The following GRIN2A variants were observed in gnomAD, a reference collection of about 807,000 sequenced individuals.
The protein encoded by GRIN2A is glutamate receptor ionotropic, NMDA 2A.
In GRIN2A, 22 loss-of-function variants were observed where a neutral mutation model predicts 113.4. The observed-to-expected ratio is 0.19, with a 90% CI of 0.14 to 0.28. The LOEUF (loss-of-function observed/expected upper bound fraction) is 0.28, where lower values mean the gene tolerates loss of function less well. Ranked by LOEUF, GRIN2A falls within the 10% of genes least tolerant of loss-of-function variation. The pLI, the probability that GRIN2A is intolerant of heterozygous loss-of-function variation, is 1.00. For synonymous variants in GRIN2A, 827 were observed against 738.4 expected, an observed-to-expected ratio of 1.12 and a Z score of -1.94; for missense variants, 1,502 against 1,887.0, an observed-to-expected ratio of 0.80 and a Z score of 3.78.
chr16:10,156,800 T>G (rs1358542560), intron 2 of GRIN2A, among the ~76,000 whole-genome samples: 1 of 152,224 alleles, frequency 6.6e-6, no homozygotes, highest in African/African-American at 2.4e-5. Context: ...TCATACACCT[T>G]ATTTCATTCG....
chr16:9,769,189 T>C (rs1901105767), intron 11 of GRIN2A, 100 bp from the exon 12 acceptor site: 2 of 919,036 alleles, frequency 2.2e-6, no homozygotes. Flanking sequence ...CTCACAGCTA[T>C]GTAACCTTAA....
chr16:9,785,930 T>C (rs1328048427), intron 11 of GRIN2A, among the ~76,000 whole-genome samples: 1 of 152,192 alleles, frequency 6.6e-6, no homozygotes, highest in Non-Finnish European at 1.5e-5. Context: ...AGCTGCTCAG[T>C]TGTTCTTTGT....
intron 2 of GRIN2A, among the ~76,000 whole-genome samples, chr16:10,159,032 T>C (rs1369112292): frequency 6.6e-6 from 1 of 152,170 alleles, no homozygotes; most frequent in Non-Finnish European, 1.5e-5. Flanking sequence ...ACAGAGGTTG[T>C]GGAGTCAGGA....
intron 2 of GRIN2A, among the ~76,000 whole-genome samples, chr16:10,138,081 C>T (rs868459556): frequency 6.6e-6 from 1 of 152,226 alleles, no homozygotes; most frequent in Non-Finnish European, 1.5e-5. Context: ...GTTCTGTCAT[C>T]ACCAAGGTGG....
chr16:10,113,755 T>C (rs1273954272), intron 2 of GRIN2A, among the ~76,000 whole-genome samples: 1 of 152,230 alleles, frequency 6.6e-6, no homozygotes, highest in East Asian at 1.9e-4. Flanking sequence ...CACACATATA[T>C]ATGCAGAAGG....
At chr16:10,068,106 A>G (rs191417918) in intron 2 of GRIN2A, among the ~76,000 whole-genome samples, 9 of 152,304 alleles carry the variant, frequency 5.9e-5, no homozygotes, top group Admixed American at 4.6e-4. Flanking sequence ...AATCCCTTTT[A>G]TGCTCTCCTT....
At chr16:10,061,657 CT>C (rs2047552554) in intron 2 of GRIN2A, among the ~76,000 whole-genome samples, 1 of 152,164 alleles carries the variant, frequency 6.6e-6, no homozygotes, top group African/African-American at 2.4e-5. Flanking sequence ...TCATTATAAA[CT>C]CTAAGTGCCT....
intron 2 of GRIN2A, among the ~76,000 whole-genome samples, chr16:9,986,539 C>A (rs192265993): frequency 2.0e-5 from 3 of 151,810 alleles, no homozygotes; most frequent in East Asian, 3.9e-4. Flanking sequence ...CCAAGGTGGG[C>A]GGATCATGAG....
chr16:9,901,803 G>C (rs2141519207), intron 3 of GRIN2A, among the ~76,000 whole-genome samples: 1 of 152,260 alleles, frequency 6.6e-6, no homozygotes. Flanking sequence ...TAAACTAGAA[G>C]ACAATTAAGA....
At chr16:10,077,493 C>T (rs2047896808) in intron 2 of GRIN2A, among the ~76,000 whole-genome samples, 1 of 152,258 alleles carries the variant, frequency 6.6e-6, no homozygotes, top group Non-Finnish European at 1.5e-5. Context: ...TGGTCCATGC[C>T]ACCTCTCACC....
At chr16:10,119,262 G>T (rs1239721938) in intron 2 of GRIN2A, among the ~76,000 whole-genome samples, 1 of 152,236 alleles carries the variant, frequency 6.6e-6, no homozygotes, top group Non-Finnish European at 1.5e-5. Context: ...TAATCAAGTT[G>T]GGTGGGAACC....
chr16:9,990,560 C>T (rs1420183165), intron 2 of GRIN2A, among the ~76,000 whole-genome samples: 26 of 95,150 alleles, frequency 2.7e-4, no homozygotes, highest in East Asian at 1.0e-3. Context: ...CGCGCGCGCG[C>T]GCGCACACAC....
At chr16:10,035,274 C>G (rs1045303950) in intron 2 of GRIN2A, among the ~76,000 whole-genome samples, 1 of 152,126 alleles carries the variant, frequency 6.6e-6, no homozygotes, top group African/African-American at 2.4e-5. Context: ...GATCCTCCTG[C>G]CTTGGCCTCT....
At chr16:10,025,934 G>C (rs1294894778) in intron 2 of GRIN2A, among the ~76,000 whole-genome samples, 6 of 152,166 alleles carry the variant, frequency 3.9e-5, no homozygotes, top group Admixed American at 6.5e-5. Flanking sequence ...GAGGCAAGTG[G>C]CTTGAGGAAG....
intron 2 of GRIN2A, among the ~76,000 whole-genome samples, chr16:10,035,720 C>A (rs72772340): frequency 1.4e-5 from 2 of 140,112 alleles, no homozygotes; most frequent in East Asian, 4.9e-4. Context: ...ACTGGATGAT[C>A]GATTTTTTTT....
chr16:9,928,348 C>G (rs28654222), intron 3 of GRIN2A, among the ~76,000 whole-genome samples: 2 of 152,308 alleles, frequency 1.3e-5, no homozygotes, highest in Admixed American at 6.5e-5. Context: ...TAGACAGATA[C>G]TCTTTCAGGA....
In GRIN2A at chr16:9,763,947, C is replaced by T. The variant is rs368418052; in HGVS notation, c.3597G>A (p.Pro1199=). 8.7e-6 allele frequency: 14 copies of T among 1,613,930 alleles called. No homozygotes were observed. The highest frequency in any genetic ancestry group is 2.2e-5 in the East Asian group (1 of 44,870). ...KHFTLKDKGS[P]HSETSERYRQ... is the part of the protein sequence containing the mutation. The stretch of plus-strand genomic sequence containing the variant: ...GGTATCGCTCGCTGGTCTCACTGTG[C>T]GGGGAACCCTTGTCTTTCAAGGTGA... The change falls in exon 13 of 13, where the codon CCG becomes CCA. Residue 1199 remains proline (P), a synonymous_variant. Transcript: ENST00000330684.
chr16:9,832,052 G>A (rs1384137705), intron 8 of GRIN2A, among the ~76,000 whole-genome samples: 2 of 151,668 alleles, frequency 1.3e-5, no homozygotes, highest in African/African-American at 2.4e-5. Flanking sequence ...CTGAGTAGCC[G>A]GGAATACAGG....
At chr16:10,094,285 A>G (rs2048241510) in intron 2 of GRIN2A, among the ~76,000 whole-genome samples, 1 of 152,168 alleles carries the variant, frequency 6.6e-6, no homozygotes, top group Non-Finnish European at 1.5e-5. Flanking sequence ...AGGAAAGGTG[A>G]GAGTTACAGG....
Sources: gnomAD v4.1 joint callset for allele counts (sites outside exome capture counted in the v4.1 genomes callset) on GRCh38, gnomAD v4.1.1 for gene constraint, MANE v1.5 for transcripts, NCBI Gene and HGNC (gene_info 2026-07-23, HGNC 2026-07-21) for gene names.